PCDHGA1: variants seen among roughly 807,000 people sequenced by gnomAD.
The protein encoded by PCDHGA1 is protocadherin gamma subfamily A, 1.
In PCDHGA1, 32 loss-of-function variants were observed where a neutral mutation model predicts 58.0. That is an observed-to-expected ratio of 0.55 (90% CI 0.42 to 0.74). The LOEUF is 0.74. PCDHGA1 is among the 30% of genes least tolerant of loss of function. The pLI is 0.00. For missense variants in PCDHGA1, 1,205 were observed against 1,182.3 expected, an observed-to-expected ratio of 1.02 and a Z score of -0.28; for synonymous variants, 498 against 501.1, an observed-to-expected ratio of 0.99 and a Z score of 0.08.
Position 141,491,965 on chromosome 5 carries a change from G to A in PCDHGA1, c.2422-2842G>A. 1 of 946,810 alleles carries A rather than the reference G, an allele frequency of 1.1e-6. No individual in the cohort carries two copies. Among genetic ancestry groups the A allele is most frequent in the Non-Finnish European group, 1.5e-6 (1 of 672,398 alleles). 58.7% of individuals were successfully genotyped at this position (946,810 alleles called of 1,614,324 possible). On this transcript the variant is annotated intron_variant, in intron 1 of 3. Coordinates refer to ENST00000517417, the MANE Select transcript of PCDHGA1 (RefSeq NM_018912.3). The surrounding 1 kb of genome is among the most constrained non-coding windows in gnomAD (Gnocchi z 6.9). ...CCCACCCCTACACTCAAAAAAGGCC[G>A]GGGCCTCCTTCGAGCTTCCGGTGAA...
Position 141,489,732 on chromosome 5 carries a change from C to T in PCDHGA1, c.2422-5075C>T, listed in dbSNP as rs1562132763. On this transcript the variant is annotated intron_variant, in intron 1 of 3. Coordinates refer to ENST00000517417, the MANE Select transcript of PCDHGA1 (RefSeq NM_018912.3). This position sits in a 1 kb window ranked among gnomAD's most constrained non-coding sequence, Gnocchi z 4.5. ...GTGCCCAGGATCCGGATGTGGGCAC[C>T]AATACTGTGAGCTTTTACACTCTAA... 3.1e-6 allele frequency: 5 copies of T among 1,614,126 alleles called. No individual in the cohort carries two copies. The highest frequency in any genetic ancestry group is 1.1e-5 in the South Asian group (1 of 91,074).
intron 1 of PCDHGA1, chr5:141,415,040 CG>C (rs878992043): frequency 6.2e-7 from 1 of 1,613,520 alleles, no homozygotes; most frequent in East Asian, 2.2e-5. Flanking sequence ...GGACTCTTCG[CG>C]GTGGGGGAGC....
At position 141,511,397 on chromosome 5, in the gene PCDHGA1, C is replaced by A; in HGVS notation, c.*224C>A. ...AGCAGTTCCGCTGGGAACCCCCATC[C>A]AATCAACTGCTGTACCCATGGGGGT... On this transcript the variant is annotated 3_prime_UTR_variant, in exon 4 of 4. Coordinates refer to ENST00000517417, the MANE Select transcript of PCDHGA1 (RefSeq NM_018912.3). 1.0e-6 allele frequency: 1 copy of A among 1,002,376 alleles called. No individual in the cohort carries two copies. The highest frequency in any genetic ancestry group is 1.4e-6 in the Non-Finnish European group (1 of 705,546). 62.1% of individuals were successfully genotyped at this position (1,002,376 alleles called of 1,614,324 possible). A position where few individuals can be genotyped will look rare whatever the true frequency, so the allele number is the denominator to read the frequency against.
chr5:141,349,025 C>T lies in PCDHGA1; in HGVS notation c.2421+15920C>T, dbSNP rs142730364. ...TATTTACCAGTGGTCAAGTCAAACT[C>T]GTTTTGCTCATTAATGGTATAAGTC... On this transcript the variant is annotated intron_variant, in intron 1 of 3. Transcript: ENST00000517417. Among the ~76,000 whole-genome samples, 374 of 152,196 alleles carry T rather than the reference C, an allele frequency of 2.5e-3. 1 individual carries two copies. Among genetic ancestry groups the T allele is most frequent in the African/African-American group, 8.4e-3 (350 of 41,502 alleles).
intron 1 of PCDHGA1, chr5:141,377,040 T>G (rs1229321442): frequency 1.9e-5 from 3 of 154,184 alleles, no homozygotes; most frequent in African/African-American, 7.2e-5. Flanking sequence ...CTTTGATTAG[T>G]GCTTAGTTTT....
chr5:141,346,010 G>C, intron 1 of PCDHGA1: 2 of 1,613,190 alleles, frequency 1.2e-6, no homozygotes, highest in Non-Finnish European at 8.5e-7. Context: ...CCACTGTCAC[G>C]CTCACCGTGG....
intron 1 of PCDHGA1, among the ~76,000 whole-genome samples, chr5:141,467,931 T>C (rs771009105): frequency 1.3e-5 from 2 of 151,966 alleles, no homozygotes; most frequent in Non-Finnish European, 2.9e-5. Flanking sequence ...AATGCTAGGA[T>C]TACAAGCATG....
At chr5:141,360,775 G>T in intron 1 of PCDHGA1, 1 of 1,613,924 alleles carries the variant, frequency 6.2e-7, no homozygotes, top group South Asian at 1.1e-5. Flanking sequence ...GGTCCTCACA[G>T]CTGTGGATGG....
chr5:141,333,282 T>C, intron 1 of PCDHGA1, 177 bp downstream of exon 1: 1 of 954,578 alleles, frequency 1.0e-6, no homozygotes, highest in Non-Finnish European at 1.5e-6. Flanking sequence ...GGTATATTTA[T>C]AATTGTTCTT....
At chr5:141,419,265 C>T in intron 1 of PCDHGA1, 1 of 1,614,040 alleles carries the variant, frequency 6.2e-7, no homozygotes, top group Non-Finnish European at 8.5e-7. Flanking sequence ...CAGCCGGGTG[C>T]CTCCATAGCG....
chr5:141,357,800 T>A, intron 1 of PCDHGA1: 1 of 795,686 alleles, frequency 1.3e-6, no homozygotes, highest in East Asian at 2.7e-5. Flanking sequence ...CACACAAAAA[T>A]GTTGTTTATT....
At chr5:141,357,162 C>T (rs769060536) in intron 1 of PCDHGA1, 39 of 1,613,662 alleles carry the variant, frequency 2.4e-5, no homozygotes, top group Admixed American at 2.3e-4. Flanking sequence ...AGCCCCCTCT[C>T]TCGGCCACCG....
rs1588462395 is a variant in PCDHGA1 at position 141,345,456 on chromosome 5, A to T, written c.2421+12351A>T. On this transcript the variant is annotated intron_variant, in intron 1 of 3. Coordinates refer to ENST00000517417, the MANE Select transcript of PCDHGA1 (RefSeq NM_018912.3). ...CAGAGGAGCCTCCATCTTCTCAGTG[A>T]CAGCCCAGGACCCAGATAGCAACAA... The T allele has an allele frequency of 6.2e-7, 1 of 1,614,112 alleles. No individual in the cohort carries two copies. Among genetic ancestry groups the T allele is most frequent in the Non-Finnish European group, 8.5e-7 (1 of 1,180,016 alleles).
At chr5:141,394,251 G>A (rs1380359596) in intron 1 of PCDHGA1, 1 of 1,613,744 alleles carries the variant, frequency 6.2e-7, no homozygotes, top group Non-Finnish European at 8.5e-7. Flanking sequence ...ACACGACCCC[G>A]ACAGCCAGGA....
chr5:141,423,437 C>CACGT (rs766166209), intron 1 of PCDHGA1: 1 of 1,613,952 alleles, frequency 6.2e-7, no homozygotes, highest in Non-Finnish European at 8.5e-7. Context: ...GCAGGTATGC[C>CACGT]CACGTCACAT....
chr5:141,360,275 T>C, intron 1 of PCDHGA1: 2 of 1,613,826 alleles, frequency 1.2e-6, no homozygotes, highest in South Asian at 1.1e-5. Context: ...AACTCGGTCG[T>C]AGGAAACCTC....
rs2097542578 is a variant in PCDHGA1 at position 141,432,849 on chromosome 5, T to C, written c.2422-61958T>C. On this transcript the variant is annotated intron_variant, in intron 1 of 3. Coordinates refer to ENST00000517417, the MANE Select transcript of PCDHGA1 (RefSeq NM_018912.3). The surrounding 1 kb of genome is among the most constrained non-coding windows in gnomAD (Gnocchi z 6.0). ...CTCACTCTGTACCTGGTGGTAGCGG[T>C]GGCCGCGGTCTCCTGCGTCTTCCTG... 2 of 1,614,076 alleles carry C rather than the reference T, an allele frequency of 1.2e-6. No individual in the cohort carries two copies. Among genetic ancestry groups the C allele is most frequent in the South Asian group, 1.1e-5 (1 of 91,096 alleles).
chr5:141,433,093 G>A (rs1203083573), intron 1 of PCDHGA1: 4 of 1,614,206 alleles, frequency 2.5e-6, no homozygotes, highest in Admixed American at 1.7e-5. Flanking sequence ...ATGCAGACAT[G>A]CTCGTCAGCC....
At chr5:141,399,435 A>G (rs568070353) in intron 1 of PCDHGA1, 20 of 1,613,972 alleles carry the variant, frequency 1.2e-5, no homozygotes, top group African/African-American at 9.3e-5. Context: ...GCGTCATCCT[A>G]CATATCAGAG....
Sources: gnomAD v4.1 joint callset for allele counts (sites outside exome capture counted in the v4.1 genomes callset) on GRCh38, gnomAD v4.1.1 for gene constraint, Gnocchi (gnomAD v3.1) non-coding constraint, MANE v1.5 for transcripts, NCBI Gene and HGNC (gene_info 2026-07-23, HGNC 2026-07-21) for gene names.